The following KDM5C variants were observed in gnomAD, a reference collection of about 807,000 sequenced individuals.
KDM5C encodes the protein lysine demethylase 5C.
A neutral mutation model predicts 110.6 loss-of-function variants in KDM5C; 16 were observed. The ratio of observed to expected loss-of-function variants is 0.14; its 90% CI spans 0.10 to 0.22. KDM5C has a LOEUF of 0.22. Among genes scored for constraint, KDM5C ranks in the 10% least tolerant of loss-of-function variants. The pLI is 1.00. For missense variants in KDM5C, 681 were observed against 1,300.9 expected (o/e 0.52, Z 7.33); for synonymous variants, 511 against 520.4 (o/e 0.98, Z 0.24).
At chrX:53,190,432 G>A (rs1934368327), downstream of KDM5C, among the ~76,000 whole-genome samples, 3 of 112,383 alleles carry the variant, frequency 2.7e-5, no homozygotes, top group Non-Finnish European at 5.6e-5. Flanking sequence ...AGTTGCTTCA[G>A]GTTGTAGGCA....
intron 25 of KDM5C, among the ~76,000 whole-genome samples, chrX:53,181,141 T>TTTTG (rs1337606425): frequency 9.1e-6 from 1 of 109,572 alleles, no homozygotes; most frequent in South Asian, 3.8e-4. Flanking sequence ...ATATATTTTT[T>TTTTG]TTTGTTTGTT....
At position 53,211,548 on chromosome X, in the gene KDM5C, G is replaced by A. The variant is rs2073560196; in HGVS notation, c.1350C>T (p.Gly450=). The change falls in exon 10 of 26, where the codon GGC becomes GGT. Residue 450 remains glycine, a synonymous_variant. Coordinates refer to ENST00000375401, the MANE Select transcript of KDM5C (RefSeq NM_004187.5). ...TACTGTCACTGACAGGGAAACCGCT[G>A]CCAAATTCTTTGGAATGGATGTCAG... ...YGADIHSKEF[G]SGFPVSDSKR... 1 of 1,211,741 alleles carries A rather than the reference G, an allele frequency of 8.3e-7. No homozygotes were observed. The highest frequency in any genetic ancestry group is 1.1e-6 in the Non-Finnish European group (1 of 895,309).
chrX:53,180,974 C>T (rs912842949), intron 25 of KDM5C, among the ~76,000 whole-genome samples: 8 of 107,347 alleles, frequency 7.5e-5, no homozygotes, highest in East Asian at 5.8e-4. Context: ...GTGATCCGCC[C>T]GCCTCGGAAA....
At chrX:53,217,339 C>T in intron 4 of KDM5C, 62 bp from the exon 5 acceptor site, 1 of 1,168,216 alleles carries the variant, frequency 8.6e-7, no homozygotes, top group South Asian at 1.8e-5. Flanking sequence ...GCAATAACTT[C>T]CCTCTACCCT....
chrX:53,194,889 C>CTA (rs1556835290), intron 22 of KDM5C, 42 bp downstream of exon 22: 2 of 1,208,225 alleles, frequency 1.7e-6, no homozygotes, highest in Admixed American at 4.4e-5. Flanking sequence ...GACACTCTAT[C>CTA]ATCACCAAGC....
At chrX:53,176,790 A>G (rs2146778663) in intron 25 of KDM5C, among the ~76,000 whole-genome samples, 1 of 112,487 alleles carries the variant, frequency 8.9e-6, no homozygotes, top group East Asian at 2.8e-4. Context: ...AACCAAACAC[A>G]AGAGAATACA....
At chrX:53,214,603 C>A in intron 8 of KDM5C, 86 bp downstream of exon 8, 2 of 1,054,583 alleles carry the variant, frequency 1.9e-6, no homozygotes, top group Non-Finnish European at 2.6e-6. Flanking sequence ...AAGACTATGG[C>A]TGAGCTAAGA....
chrX:53,214,499 G>C, intron 8 of KDM5C, 190 bp downstream of exon 8: 1 of 463,608 alleles, frequency 2.2e-6, no homozygotes, highest in East Asian at 3.7e-5. Context: ...AGGTGGTCTG[G>C]GAGCTCTTAG....
chrX:53,198,902 G>T lies in KDM5C; in HGVS notation c.2244-14C>A, dbSNP rs782577515. The T allele has an allele frequency of 1.4e-5, 17 of 1,210,625 alleles. No individual in the cohort carries two copies. The East Asian group carries it at 4.4e-4, about 32-fold the overall frequency. ...GTATACCGATACCTGGAGGAAGAGG[G>T]CAGGCAAGAGCATGTCTGGCCCAGC... On this transcript the variant is annotated splice_polypyrimidine_tract_variant and intron_variant, in intron 15 of 25. Coordinates refer to ENST00000375401, the MANE Select transcript of KDM5C (RefSeq NM_004187.5).
intron 7 of KDM5C, 118 bp downstream of exon 7, chrX:53,215,677 G>A (rs2146938624): frequency 1.4e-6 from 1 of 725,418 alleles, no homozygotes; most frequent in East Asian, 3.2e-5. Context: ...CTACCTGAGG[G>A]CAGGGCCCAT....
At chrX:53,216,883 T>C (rs911332771) in intron 5 of KDM5C, among the ~76,000 whole-genome samples, 2 of 111,518 alleles carry the variant, frequency 1.8e-5, no homozygotes, top group Non-Finnish European at 3.8e-5. Flanking sequence ...ATGAGCAGAG[T>C]AAGTCCGGAA....
intron 25 of KDM5C, among the ~76,000 whole-genome samples, chrX:53,176,920 T>C (rs1205679155): frequency 8.9e-6 from 1 of 112,181 alleles, no homozygotes; most frequent in Non-Finnish European, 1.9e-5. Flanking sequence ...TAAAAGTCAA[T>C]GTTTGGATCC....
At chrX:53,203,028 G>T (rs913979458) in intron 12 of KDM5C, among the ~76,000 whole-genome samples, 1 of 110,204 alleles carries the variant, frequency 9.1e-6, no homozygotes, top group Non-Finnish European at 1.9e-5. Flanking sequence ...CCGTGGTCTC[G>T]ATCTCCTGAC....
chrX:53,208,569 G>C (rs1481573432), intron 12 of KDM5C, among the ~76,000 whole-genome samples: 3 of 84,505 alleles, frequency 3.6e-5, no homozygotes, highest in Non-Finnish European at 6.5e-5. Flanking sequence ...GCAATGGCAC[G>C]ATCTCGGCTC....
chrX:53,208,878 C>T (rs1476904461), intron 12 of KDM5C, among the ~76,000 whole-genome samples: 8 of 84,091 alleles, frequency 9.5e-5, no homozygotes, highest in African/African-American at 3.7e-4. Flanking sequence ...TGCAGTGGTA[C>T]AATCTCGGCT....
Position 53,216,212 on chromosome X carries a change from G to A in KDM5C, c.658-15C>T, listed in dbSNP as rs1556851803. The A allele has an allele frequency of 9.1e-6, 11 of 1,210,781 alleles. No individual in the cohort carries two copies. The highest frequency in any genetic ancestry group is 1.2e-5 in the Non-Finnish European group (11 of 895,436). On this transcript the variant is annotated splice_polypyrimidine_tract_variant and intron_variant, in intron 5 of 25. Transcript: ENST00000375401. ...GTGGGTTCCGGCTGGAAGGAAAGAA[G>A]GAAATGAATCAAGACTGCTATCTGG...
At position 53,198,923 on chromosome X, in the gene KDM5C, C is replaced by T; in HGVS notation, c.2244-35G>A. On this transcript the variant is annotated intron_variant, in intron 15 of 25. Transcript: ENST00000375401. ...GAGGGCAGGCAAGAGCATGTCTGGC[C>T]CAGCTCTCCATCCTCCTTCTTGCCC... 4.1e-6 allele frequency: 5 copies of T among 1,212,026 alleles called. No homozygotes were observed. In the African/African-American group the frequency reaches 5.2e-5, roughly 13 times the overall value.
intron 17 of KDM5C, 105 bp from the exon 18 acceptor site, chrX:53,197,981 C>G: frequency 3.1e-6 from 2 of 636,770 alleles, no homozygotes; most frequent in East Asian, 3.6e-5. Flanking sequence ...CCACCTTGAT[C>G]TCGCATATTT....
intron 5 of KDM5C, among the ~76,000 whole-genome samples, chrX:53,216,805 G>A (rs1163731637): frequency 8.9e-6 from 1 of 112,134 alleles, no homozygotes; most frequent in Non-Finnish European, 1.9e-5. Flanking sequence ...GACATAGCAA[G>A]ACCCTATGCC....
Sources: gnomAD v4.1 joint callset for allele counts (sites outside exome capture counted in the v4.1 genomes callset) on GRCh38, gnomAD v4.1.1 for gene constraint, MANE v1.5 for transcripts, NCBI Gene and HGNC (gene_info 2026-07-23, HGNC 2026-07-21) for gene names.